FRMPD4: variants seen among roughly 807,000 people sequenced by gnomAD.
FRMPD4 encodes FERM and PDZ domain containing 4.
Under a neutral mutation model 94.1 loss-of-function variants are expected in FRMPD4, and 22 were observed. The ratio of observed to expected loss-of-function variants is 0.23; its 90% CI spans 0.17 to 0.33. The LOEUF (loss-of-function observed/expected upper bound fraction) is 0.33. FRMPD4 is among the 10% of genes least tolerant of loss of function. The probability of loss-of-function intolerance (pLI) is 1.00; values close to 1 mark genes in which losing one functional copy is unlikely to be tolerated. For missense variants in FRMPD4, 1,111 were observed against 1,339.9 expected (o/e 0.83, Z 2.67); for synonymous variants, 631 against 548.6 (o/e 1.15, Z -2.10).
intron 3 of FRMPD4, among the ~76,000 whole-genome samples, chrX:12,117,688 G>A (rs2055420861): frequency 8.9e-6 from 1 of 112,135 alleles, no homozygotes; most frequent in African/African-American, 3.2e-5. Flanking sequence ...TCATGGTCCA[G>A]CGTGTTCCCT....
chrX:11,988,835 C>A (rs1177414719), intron 3 of FRMPD4, among the ~76,000 whole-genome samples: 1 of 111,725 alleles, frequency 9.0e-6, no homozygotes, highest in African/African-American at 3.2e-5. Context: ...ATACAAATGG[C>A]AAACAGGCAC....
rs1240647373 is a variant in FRMPD4, at chrX:12,331,272, A to G, written c.42-167408A>G. Among the ~76,000 whole-genome samples, 3 of 107,235 alleles carry G rather than the reference A, an allele frequency of 2.8e-5. No homozygotes were observed. The Admixed American group carries it at 3.1e-4, about 11-fold the overall frequency. The allele number at this position is 107,235 out of a possible 115,157, so 93.1% of individuals were successfully genotyped here. ...GAAGGAAAATCTTGTCCATTTTGAA[A>G]GTGATATAACATTATAAAGACATTA... On this transcript the variant is annotated intron_variant, in intron 1 of 16. Coordinates refer to ENST00000675598, the MANE Select transcript of FRMPD4 (RefSeq NM_001368397.1).
At chrX:12,265,149 A>G (rs5935286) in intron 1 of FRMPD4, among the ~76,000 whole-genome samples, 2,170 of 112,098 alleles carry the variant, frequency 0.019, 25 homozygotes, top group Middle Eastern at 0.041. Flanking sequence ...GGAACCTCTA[A>G]AAATATCGAA....
At position 12,166,564 on chromosome X, in the gene FRMPD4, A is replaced by G. The variant is rs1246524766; in HGVS notation, c.41+27552A>G. 7.2e-5 allele frequency among the ~76,000 whole-genome samples: 8 copies of G among 111,754 alleles called. No homozygotes were observed. The Admixed American group carries it at 7.6e-4, about 11-fold the overall frequency. On this transcript the variant is annotated intron_variant, in intron 1 of 16. Coordinates refer to ENST00000675598, the MANE Select transcript of FRMPD4 (RefSeq NM_001368397.1). ...TTGGTATCAGGATGATGCTGGCCTC[A>G]TAAAATGAATTAGGGAGGATTCCAT...
At chrX:12,552,683 G>T (rs573167808) in intron 2 of FRMPD4, among the ~76,000 whole-genome samples, 2 of 111,591 alleles carry the variant, frequency 1.8e-5, no homozygotes, top group African/African-American at 3.3e-5. Flanking sequence ...ATTTAATCTT[G>T]CTCTATAACT....
intron 1 of FRMPD4, among the ~76,000 whole-genome samples, chrX:12,289,809 G>T (rs2054657677): frequency 8.9e-6 from 1 of 111,804 alleles, no homozygotes; most frequent in Non-Finnish European, 1.9e-5. Context: ...CCTTCTTGCA[G>T]GTGTTGGAGC....
intron 5 of FRMPD4, among the ~76,000 whole-genome samples, chrX:12,681,487 T>C (rs1468562617): frequency 8.9e-6 from 1 of 111,775 alleles, no homozygotes; most frequent in Non-Finnish European, 1.9e-5. Flanking sequence ...TTTCTTGCTG[T>C]TGTCTGTTTG....
At chrX:12,116,786 A>G (rs1168551236) in intron 3 of FRMPD4, among the ~76,000 whole-genome samples, 1 of 112,295 alleles carries the variant, frequency 8.9e-6, no homozygotes, top group African/African-American at 3.2e-5. Context: ...CCCTTCTCTG[A>G]CATAATAGCA....
intron 3 of FRMPD4, among the ~76,000 whole-genome samples, chrX:11,951,059 CAA>C (rs35673540): frequency 1.9e-4 from 6 of 32,339 alleles, no homozygotes; most frequent in African/African-American, 6.4e-4. Flanking sequence ...AACTCCATCT[CAA>C]AAAAAAAAAA....
At chrX:12,103,078 G>T (rs1401508048) in intron 3 of FRMPD4, among the ~76,000 whole-genome samples, 2 of 111,469 alleles carry the variant, frequency 1.8e-5, no homozygotes, top group African/African-American at 6.5e-5. Context: ...ATTCCCCCAG[G>T]AAGTGTCTTG....
At chrX:12,671,714 C>T (rs183469780) in intron 4 of FRMPD4, among the ~76,000 whole-genome samples, 1,439 of 110,174 alleles carry the variant, frequency 0.013, 26 homozygotes, top group African/African-American at 0.045. Flanking sequence ...TGCACATATA[C>T]CCCAGAACTT....
chrX:12,718,689 G>A lies in FRMPD4; in HGVS notation c.3863G>A (p.Arg1288Gln), dbSNP rs765739775. Residue 1288 changes from arginine to glutamine, a missense_variant, in exon 16 of 17, where the codon CGG (arginine) becomes CAG (glutamine). Arg to Gln is a conservative substitution (Grantham distance 43). This residue lies in a region of FRMPD4 where 551 missense variants were observed against 591.6 expected (regional missense o/e 0.93). Coordinates refer to ENST00000675598, the MANE Select transcript of FRMPD4 (RefSeq NM_001368397.1). The part of the protein sequence containing the change: ...LHPQTEGMCP[R>Q]MTVPALHTAI... Reference sequence around the variant, plus strand: ...CCACAGACAGAAGGGATGTGTCCACGGATGACAGTGCCTGCTCTGCACACA... The same window carrying A: ...CCACAGACAGAAGGGATGTGTCCACAGATGACAGTGCCTGCTCTGCACACA... 8.3e-6 allele frequency: 10 copies of A among 1,206,296 alleles called. No homozygotes were observed. The highest frequency in any genetic ancestry group is 1.8e-5 in the South Asian group (1 of 56,708).
At chrX:11,930,587 C>T (rs1311085393) in intron 3 of FRMPD4, among the ~76,000 whole-genome samples, 1 of 111,615 alleles carries the variant, frequency 9.0e-6, no homozygotes, top group Non-Finnish European at 1.9e-5. Flanking sequence ...TTATAGACAT[C>T]TTGATTTCAG....
At chrX:12,042,328 T>A (rs1014473289) in intron 3 of FRMPD4, among the ~76,000 whole-genome samples, 1 of 111,054 alleles carries the variant, frequency 9.0e-6, no homozygotes, top group African/African-American at 3.3e-5. Context: ...CAATTTTGGA[T>A]TCTTGAGGTT....
intron 1 of FRMPD4, among the ~76,000 whole-genome samples, chrX:12,205,781 A>C (rs1422741176): frequency 1.8e-5 from 2 of 112,252 alleles, no homozygotes; most frequent in Admixed American, 1.9e-4. Flanking sequence ...CTTTCATTGC[A>C]GGAATGAATT....
intron 4 of FRMPD4, among the ~76,000 whole-genome samples, chrX:12,653,268 C>T: frequency 8.9e-6 from 1 of 111,898 alleles, no homozygotes; most frequent in East Asian, 2.8e-4. Context: ...GCAACCAAAG[C>T]CAATAGAACC....
intron 3 of FRMPD4, among the ~76,000 whole-genome samples, chrX:11,914,702 A>G (rs1044805590): frequency 1.8e-5 from 2 of 112,421 alleles, no homozygotes; most frequent in Non-Finnish European, 3.8e-5. Context: ...AGAAAACAAA[A>G]CTTGAAGCAA....
At chrX:11,960,801 C>T (rs1233130505) in intron 3 of FRMPD4, among the ~76,000 whole-genome samples, 1 of 112,067 alleles carries the variant, frequency 8.9e-6, no homozygotes, top group Non-Finnish European at 1.9e-5. Context: ...TTTATATCCT[C>T]ACAACCTGGC....
intron 9 of FRMPD4, among the ~76,000 whole-genome samples, chrX:12,700,285 T>C (rs1241801459): frequency 8.9e-6 from 1 of 111,951 alleles, no homozygotes; most frequent in Non-Finnish European, 1.9e-5. Context: ...AAAATATTCT[T>C]GGGGCAAGCC....
Sources: allele counts gnomAD v4.1 joint callset (sites outside exome capture counted in the v4.1 genomes callset), GRCh38; gene constraint gnomAD v4.1.1; regional missense constraint gnomAD v4.1.1; transcripts MANE v1.5; gene names NCBI Gene and HGNC (gene_info 2026-07-23, HGNC 2026-07-21).